URI1: variants seen among roughly 807,000 people sequenced by gnomAD.
The protein encoded by URI1 is URI1 prefoldin like chaperone.
Under a neutral mutation model 60.2 loss-of-function variants are expected in URI1, and 39 were observed. The ratio of observed to expected loss-of-function variants is 0.65; its 90% CI spans 0.50 to 0.85. The LOEUF (loss-of-function observed/expected upper bound fraction) is 0.85. Among genes scored for constraint, URI1 ranks in the 40% least tolerant of loss-of-function variants. The pLI is 0.00. For missense variants in URI1, 691 were observed against 665.9 expected (o/e 1.04, Z -0.42); for synonymous variants, 251 against 236.8 (o/e 1.06, Z -0.55).
chr19:29,969,891 A>G (rs1455720508), intron 1 of URI1, among the ~76,000 whole-genome samples: 1 of 152,140 alleles, frequency 6.6e-6, no homozygotes, highest in Non-Finnish European at 1.5e-5. Flanking sequence ...TCTATTATAT[A>G]TTGCCACTGT....
chr19:30,008,428 C>G (rs1246060891), intron 7 of URI1, among the ~76,000 whole-genome samples: 1 of 151,890 alleles, frequency 6.6e-6, no homozygotes, highest in Non-Finnish European at 1.5e-5. Context: ...TCATGATTCT[C>G]TTTCTATTTT....
chr19:29,991,554 A>G (rs1568435528), intron 4 of URI1, among the ~76,000 whole-genome samples: 1 of 151,016 alleles, frequency 6.6e-6, no homozygotes, highest in Admixed American at 6.6e-5. Flanking sequence ...AATAGCTCCT[A>G]TTTTTTTTTA....
chr19:30,001,925 A>G (rs2055883510), intron 4 of URI1, among the ~76,000 whole-genome samples: 1 of 152,068 alleles, frequency 6.6e-6, no homozygotes, highest in Admixed American at 6.6e-5. Flanking sequence ...TTAAAGCAGA[A>G]GTCCAAACCT....
intron 4 of URI1, among the ~76,000 whole-genome samples, chr19:30,000,648 TC>T (rs2145419140): frequency 6.6e-6 from 1 of 152,158 alleles, no homozygotes; most frequent in African/African-American, 2.4e-5. Context: ...ATTTTCGTTT[TC>T]TTTGTATATA....
At chr19:29,990,777 A>C (rs141218492) in intron 4 of URI1, among the ~76,000 whole-genome samples, 2 of 152,352 alleles carry the variant, frequency 1.3e-5, no homozygotes, top group African/African-American at 4.8e-5. Context: ...ATGAAAATAC[A>C]AAAATACAGA....
In URI1 at chr19:29,986,440, G is replaced by A. The variant is rs749425807; in HGVS notation, c.367+23G>A. The A allele has an allele frequency of 3.1e-6, 5 of 1,598,202 alleles. No homozygotes were observed. The South Asian group carries it at 3.4e-5, about 11-fold the overall frequency. ...AACGTAGGTACCCATTTTAAATGAT[G>A]TTTCTTTGTTGTATATGTATCCATT... is the stretch of plus-strand genomic sequence containing the variant. On this transcript the variant is annotated intron_variant, in intron 4 of 10. Coordinates refer to ENST00000392271, the MANE Select transcript of URI1 (RefSeq NM_003796.3).
chr19:29,990,560 G>T (rs764842266), intron 4 of URI1, among the ~76,000 whole-genome samples: 5 of 152,142 alleles, frequency 3.3e-5, no homozygotes, highest in Admixed American at 1.3e-4. Flanking sequence ...ATGTTGTTTG[G>T]CAATAAAAAG....
In URI1 at chr19:30,007,637, A is replaced by G. The variant is rs1294004282; in HGVS notation, c.685A>G (p.Ser229Gly). The change falls in exon 7 of 11, where the codon AGT becomes GGT. Residue 229 changes from serine (S) to glycine (G), a missense_variant and splice_region_variant. Transcript: ENST00000392271. The part of the protein sequence containing the change: ...RQEELLGELD[S>G]KPDTVIANGE... The stretch of plus-strand genomic sequence containing the variant: ...GGAAGAATTGCTGGGTGAACTTGAT[A>G]GGTACTTGATGACAAATTATCTTTC... The G allele has an allele frequency of 6.9e-6, 11 of 1,600,688 alleles. No homozygotes were observed. The highest frequency in any genetic ancestry group is 9.4e-6 in the Non-Finnish European group (11 of 1,174,252).
At position 29,942,684 on chromosome 19, in the gene URI1, C is replaced by T; in HGVS notation, c.117+20C>T. The T allele has an allele frequency of 1.5e-6, 2 of 1,377,204 alleles. No individual in the cohort carries two copies. The highest frequency in any genetic ancestry group is 1.9e-6 in the Non-Finnish European group (2 of 1,067,524). 85.3% of individuals were successfully genotyped at this position (1,377,204 alleles called of 1,614,324 possible). A position where few individuals can be genotyped will look rare whatever the true frequency, so the allele number is the denominator to read the frequency against. ...GAAAAGGTAACTAGCAGCCCCGCGCCGCTTCCGCCTCCGCCCGCCGGGCTG... is the reference window on the plus strand; with the variant it reads ...GAAAAGGTAACTAGCAGCCCCGCGCTGCTTCCGCCTCCGCCCGCCGGGCTG... On this transcript the variant is annotated intron_variant, in intron 1 of 10. Coordinates refer to ENST00000392271, the MANE Select transcript of URI1 (RefSeq NM_003796.3).
chr19:29,924,485 C>T (rs1023165977), intron 1 of URI1, among the ~76,000 whole-genome samples: 19 of 152,182 alleles, frequency 1.2e-4, no homozygotes, highest in Admixed American at 6.5e-5. Context: ...TTAGCCACCT[C>T]GCTTTCATCC....
At chr19:29,993,892 G>A (rs558926287) in intron 4 of URI1, among the ~76,000 whole-genome samples, 8 of 152,034 alleles carry the variant, frequency 5.3e-5, no homozygotes, top group South Asian at 2.1e-4. Flanking sequence ...CACTCAAATT[G>A]TAGGCACACT....
At chr19:30,013,848 C>G (rs1225072182) in intron 10 of URI1, among the ~76,000 whole-genome samples, 1 of 152,038 alleles carries the variant, frequency 6.6e-6, no homozygotes. Flanking sequence ...GCTGCTTTTA[C>G]CAGTTGAACT....
chr19:30,007,753 C>T, intron 7 of URI1, 115 bp downstream of exon 7: 1 of 846,404 alleles, frequency 1.2e-6, no homozygotes, highest in Non-Finnish European at 1.7e-6. Flanking sequence ...TGCAGGGAAG[C>T]ATAATATATT....
intron 4 of URI1, among the ~76,000 whole-genome samples, chr19:29,997,954 G>A (rs578033311): frequency 3.9e-5 from 6 of 152,024 alleles, no homozygotes; most frequent in South Asian, 2.1e-4. Context: ...TAGTAGAGTC[G>A]GGGTTTCACC....
At chr19:29,962,470 C>T (rs1405356045) in intron 1 of URI1, among the ~76,000 whole-genome samples, 2 of 146,516 alleles carry the variant, frequency 1.4e-5, no homozygotes, top group Admixed American at 6.9e-5. Flanking sequence ...GAGATCATAG[C>T]ATTCATTCAT....
intron 1 of URI1, among the ~76,000 whole-genome samples, chr19:29,959,342 G>C (rs893264531): frequency 3.3e-5 from 5 of 152,094 alleles, no homozygotes; most frequent in Non-Finnish European, 7.3e-5. Flanking sequence ...TGCCCAGGCT[G>C]GTCTTGAACT....
At chr19:29,988,009 A>G (rs1461324886) in intron 4 of URI1, among the ~76,000 whole-genome samples, 1 of 152,186 alleles carries the variant, frequency 6.6e-6, no homozygotes, top group East Asian at 1.9e-4. Context: ...CTCTACTAAA[A>G]ATACAAAAAT....
At chr19:29,936,353 T>TGGAATTA (rs1270288111) in intron 1 of URI1, among the ~76,000 whole-genome samples, 3 of 152,116 alleles carry the variant, frequency 2.0e-5, no homozygotes, top group Non-Finnish European at 1.5e-5. Flanking sequence ...TCTGCCCACC[T>TGGAATTA]CGGCCTCCCA....
rs2056074609 is a variant in URI1 at position 30,015,481 on chromosome 19, C to A, written c.*412C>A. 3 of 1,524,966 alleles carry A rather than the reference C, an allele frequency of 2.0e-6. No homozygotes were observed. In the Admixed American group the frequency reaches 6.2e-5, roughly 32 times the overall value. 94.5% of individuals were successfully genotyped at this position (1,524,966 alleles called of 1,614,324 possible). A position where few individuals can be genotyped will look rare whatever the true frequency, so the allele number is the denominator to read the frequency against. ...AAATTTCAAATAGATTCAACAATTA[C>A]ATTACTTGCTTTCACATTTTAAAGG... On this transcript the variant is annotated 3_prime_UTR_variant, in exon 11 of 11. Coordinates refer to ENST00000392271, the MANE Select transcript of URI1 (RefSeq NM_003796.3).
Sources: allele counts gnomAD v4.1 joint callset (sites outside exome capture counted in the v4.1 genomes callset), GRCh38; gene constraint gnomAD v4.1.1; transcripts MANE v1.5; gene names NCBI Gene and HGNC (gene_info 2026-07-23, HGNC 2026-07-21).